MORC1: variants seen among roughly 807,000 people sequenced by gnomAD.
The protein encoded by MORC1 is MORC family CW-type zinc finger 1.
A neutral mutation model predicts 134.9 loss-of-function variants in MORC1; 59 were observed. The observed-to-expected ratio is 0.44, with a 90% CI of 0.35 to 0.54. The LOEUF is 0.54. Ranked by LOEUF, MORC1 falls within the 20% of genes least tolerant of loss-of-function variation. The pLI is 0.00. For missense variants in MORC1, 947 were observed against 1,134.5 expected, an observed-to-expected ratio of 0.83 and a Z score of 2.37; for synonymous variants, 395 against 391.7, an observed-to-expected ratio of 1.01 and a Z score of -0.10.
rs1553762144 is a variant in MORC1, at chr3:109,091,446, A to AAATAAATAAATAAAT, written c.689+1989_689+1990insATTTATTTATTTATT. On this transcript the variant is annotated intron_variant, in intron 8 of 27. Coordinates refer to ENST00000232603, the MANE Select transcript of MORC1 (RefSeq NM_014429.4). The stretch of plus-strand genomic sequence containing the variant: ...GCAACAGGGTGAGACTCCATCTAAA[A>AAATAAATAAATAAAT]AAATAAATAAATAAATAAATAAATA... 8.3e-3 allele frequency among the ~76,000 whole-genome samples: 1,226 copies of AAATAAATAAATAAAT among 147,036 alleles called. 11 individuals carry two copies. The highest frequency in any genetic ancestry group is 0.01 in the African/African-American group (419 of 39,944).
chr3:109,094,579 A>G (rs896495738), intron 7 of MORC1, among the ~76,000 whole-genome samples: 3 of 152,102 alleles, frequency 2.0e-5, no homozygotes, highest in African/African-American at 7.2e-5. Context: ...TTATCACTCT[A>G]TCTCAAATGA....
intron 3 of MORC1, among the ~76,000 whole-genome samples, chr3:109,106,276 T>C (rs771381100): frequency 1.1e-4 from 16 of 152,226 alleles, no homozygotes; most frequent in Non-Finnish European, 2.4e-4. Flanking sequence ...TAAATATTTC[T>C]CCTAGAAGGA....
chr3:109,057,335 A>T lies in MORC1; in HGVS notation c.1175+8T>A. 1 of 1,603,924 alleles carries T rather than the reference A, an allele frequency of 6.2e-7. No individual in the cohort carries two copies. The highest frequency in any genetic ancestry group is 1.1e-5 in the South Asian group (1 of 88,418). On this transcript the variant is annotated splice_region_variant and intron_variant, in intron 13 of 27. Transcript: ENST00000232603. ...TGCTTATATCTCTGAAAGCAAAAAC[A>T]TACTCACAAGGACTTCAGTTTCAAC...
At chr3:109,059,573 T>C (rs1950033645) in intron 12 of MORC1, among the ~76,000 whole-genome samples, 1 of 152,146 alleles carries the variant, frequency 6.6e-6, no homozygotes. Flanking sequence ...ACTTTTTTTT[T>C]GGAAGTTTTA....
At chr3:109,039,391 T>C (rs752388481) in intron 14 of MORC1, among the ~76,000 whole-genome samples, 8 of 152,344 alleles carry the variant, frequency 5.3e-5, no homozygotes, top group Middle Eastern at 6.8e-3. Context: ...TAACCTGCCT[T>C]GCAAATTTAT....
intron 14 of MORC1, among the ~76,000 whole-genome samples, chr3:109,051,603 A>T (rs1949832600): frequency 6.6e-6 from 1 of 152,204 alleles, no homozygotes; most frequent in East Asian, 1.9e-4. Context: ...CTAGAGGAAC[A>T]TCTTTTGTGA....
At chr3:109,072,372 A>G (rs747707811) in intron 8 of MORC1, among the ~76,000 whole-genome samples, 2 of 151,924 alleles carry the variant, frequency 1.3e-5, no homozygotes, top group Non-Finnish European at 2.9e-5. Context: ...TTCCTTTCGA[A>G]GCCTTCCCTC....
intron 26 of MORC1, among the ~76,000 whole-genome samples, chr3:108,969,282 T>TA: frequency 6.6e-6 from 1 of 152,282 alleles, no homozygotes; most frequent in Middle Eastern, 3.4e-3. Flanking sequence ...ATCACTAACT[T>TA]AAAAACTATT....
At chr3:108,967,491 C>T (rs539572601) in intron 26 of MORC1, among the ~76,000 whole-genome samples, 53 of 152,252 alleles carry the variant, frequency 3.5e-4, no homozygotes, top group African/African-American at 6.7e-4. Flanking sequence ...TGGGCCAATA[C>T]GCCAACCCAT....
At chr3:109,037,527 G>A (rs977913715) in intron 14 of MORC1, among the ~76,000 whole-genome samples, 2 of 152,168 alleles carry the variant, frequency 1.3e-5, no homozygotes, top group Admixed American at 6.6e-5. Context: ...GTGCCATGTT[G>A]GTTTGCTGCA....
At chr3:109,030,501 C>T (rs1288182165) in intron 16 of MORC1, among the ~76,000 whole-genome samples, 1 of 152,196 alleles carries the variant, frequency 6.6e-6, no homozygotes, top group African/African-American at 2.4e-5. Context: ...TTTTGCTTTA[C>T]ATCTCCCCTA....
chr3:109,020,372 T>C (rs1398888932), intron 17 of MORC1, among the ~76,000 whole-genome samples: 1 of 152,218 alleles, frequency 6.6e-6, no homozygotes, highest in Non-Finnish European at 1.5e-5. Context: ...ATCCCTGATG[T>C]GTCAGGAGAC....
chr3:109,072,108 C>T (rs563283481), intron 8 of MORC1, among the ~76,000 whole-genome samples: 1 of 152,116 alleles, frequency 6.6e-6, no homozygotes, highest in Non-Finnish European at 1.5e-5. Flanking sequence ...AAATATAAAA[C>T]CTGTAAGTGA....
chr3:109,074,329 A>G (rs1173013711), intron 8 of MORC1, among the ~76,000 whole-genome samples: 1 of 152,184 alleles, frequency 6.6e-6, no homozygotes, highest in Admixed American at 6.5e-5. Context: ...AGTTTCTTAC[A>G]AAGTTGAGTG....
chr3:108,965,842 C>T (rs1321731573), intron 26 of MORC1, among the ~76,000 whole-genome samples: 2 of 152,108 alleles, frequency 1.3e-5, no homozygotes, highest in Non-Finnish European at 2.9e-5. Context: ...AGCCTCGACA[C>T]TATTAATACG....
chr3:108,971,116 A>G lies in MORC1; in HGVS notation c.2550+214T>C, dbSNP rs1247121229. ...CCTGTTTCTTTTCATCTCTGCAACT[A>G]TCTGTCTGTAAGATATTTTCCACCT... is the stretch of plus-strand genomic sequence containing the variant. On this transcript the variant is annotated intron_variant, in intron 25 of 27. Coordinates refer to ENST00000232603, the MANE Select transcript of MORC1 (RefSeq NM_014429.4). 3.3e-5 allele frequency among the ~76,000 whole-genome samples: 5 copies of G among 152,166 alleles called. No homozygotes were observed. In the East Asian group the frequency reaches 9.6e-4, roughly 29 times the overall value.
chr3:109,011,139 T>C (rs1948671485), intron 17 of MORC1, among the ~76,000 whole-genome samples: 1 of 152,194 alleles, frequency 6.6e-6, no homozygotes, highest in African/African-American at 2.4e-5. Flanking sequence ...CACTTGAGGC[T>C]AGGAGTTTGA....
At chr3:109,075,791 G>A (rs923102659) in intron 8 of MORC1, among the ~76,000 whole-genome samples, 1 of 138,906 alleles carries the variant, frequency 7.2e-6, no homozygotes, top group African/African-American at 2.7e-5. Flanking sequence ...TCTTTTTTTG[G>A]TTCCATATGG....
chr3:109,040,439 A>AGAAG (rs1949499388), intron 14 of MORC1, among the ~76,000 whole-genome samples: 1 of 93,618 alleles, frequency 1.1e-5, no homozygotes, highest in Admixed American at 1.2e-4. Flanking sequence ...AAAGAAAGAA[A>AGAAG]GAAAGAAAGA....
Sources: allele counts gnomAD v4.1 joint callset (sites outside exome capture counted in the v4.1 genomes callset), GRCh38; gene constraint gnomAD v4.1.1; transcripts MANE v1.5; gene names NCBI Gene and HGNC (gene_info 2026-07-23, HGNC 2026-07-21).